Variants in PDPN observed in about 807,000 individuals in gnomAD.
PDPN encodes the protein podoplanin, also known as PA2.26 antigen.
Under a neutral mutation model 23.2 loss-of-function variants are expected in PDPN, and 12 were observed. That is an observed-to-expected ratio of 0.52 (90% confidence interval 0.33 to 0.84). The LOEUF is 0.84. Ranked by LOEUF, PDPN falls within the 40% of genes least tolerant of loss-of-function variation. The probability of loss-of-function intolerance (pLI) is 0.02; values close to 1 mark genes in which losing one functional copy is unlikely to be tolerated. For missense variants in PDPN, 199 were observed against 212.2 expected, an observed-to-expected ratio of 0.94 and a Z score of 0.39; for synonymous variants, 77 against 76.7, an observed-to-expected ratio of 1.00 and a Z score of -0.02.
chr1:13,583,858 C>A lies in PDPN; in HGVS notation c.-176C>A, dbSNP rs187344388. On this transcript the variant is annotated 5_prime_UTR_variant, in exon 1 of 6. Coordinates refer to ENST00000621990, the MANE Select transcript of PDPN (RefSeq NM_006474.5). ...ACTGCAAAGTTTGCTGTCCGGCTGC[C>A]TAGGGTCTGGGAAGCTCGGGCACCC... 4.3e-5 allele frequency: 68 copies of A among 1,596,128 alleles called. No homozygotes were observed. The African/African-American group carries it at 6.3e-4, about 15-fold the overall frequency.
intron 1 of PDPN, chr1:13,585,331 C>A (rs1640146313): frequency 1.9e-5 from 7 of 372,330 alleles, no homozygotes; most frequent in South Asian, 1.6e-4. Flanking sequence ...CTGCTCTATG[C>A]TGTGCTGTCT....
intron 2 of PDPN, among the ~76,000 whole-genome samples, chr1:13,609,036 T>G (rs1199631308): frequency 6.6e-6 from 1 of 152,218 alleles, no homozygotes; most frequent in Non-Finnish European, 1.5e-5. Flanking sequence ...GCCCGCCCAC[T>G]GTGTTTGTAA....
chr1:13,584,416 C>A, intron 1 of PDPN: 1 of 1,051,890 alleles, frequency 9.5e-7, no homozygotes, highest in Non-Finnish European at 1.3e-6. Context: ...AGTAGGCAGC[C>A]CCGCTTGCTG....
chr1:13,613,976 G>A (rs1641001146), intron 4 of PDPN, among the ~76,000 whole-genome samples: 1 of 150,748 alleles, frequency 6.6e-6, no homozygotes. Flanking sequence ...ATGGGGAATG[G>A]TGTCATATCA....
At position 13,584,087 on chromosome 1, in the gene PDPN, C is replaced by G; in HGVS notation, c.54C>G (p.Val18=). 1 of 1,613,030 alleles carries G rather than the reference C, an allele frequency of 6.2e-7. No individual in the cohort carries two copies. Among genetic ancestry groups the G allele is most frequent in the African/African-American group, 1.3e-5 (1 of 75,046 alleles). ...LFVLGSASLW[V]LAEGASTGQP... ...TTTTGGGAAGCGCGTCGCTCTGGGT[C>G]CTGGCAGAAGGAGGTAAGACCCAGC... The change falls in exon 1 of 6, where the codon GTC becomes GTG. Residue 18 remains valine (V), a synonymous_variant. Transcript: ENST00000621990.
At chr1:13,610,711 CCT>C (rs554436775) in intron 3 of PDPN, among the ~76,000 whole-genome samples, 195 bp downstream of exon 3, 186 of 152,298 alleles carry the variant, frequency 1.2e-3, no homozygotes, top group African/African-American at 4.3e-3. Context: ...GCTGAACGTA[CCT>C]CTCTACCTAG....
chr1:13,586,254 T>C (rs1640175976), intron 1 of PDPN, among the ~76,000 whole-genome samples: 1 of 152,194 alleles, frequency 6.6e-6, no homozygotes, highest in South Asian at 2.1e-4. Flanking sequence ...CCGAAACGCT[T>C]GCCAGTTTGG....
rs1017746426 is a variant in PDPN at position 13,613,851 on chromosome 1, T to A, written c.370+126T>A. ...TCAATGAGAGCAGAATAGAAAACAT[T>A]CCGAGAACAGATTTCAAGCTTTTTT... On this transcript the variant is annotated intron_variant, in intron 4 of 5. Transcript: ENST00000621990. 1.5e-4 allele frequency: 76 copies of A among 506,638 alleles called. 1 individual carries two copies. Among genetic ancestry groups the A allele is most frequent in the Non-Finnish European group, 2.3e-4 (63 of 276,466 alleles). 31.4% of individuals were successfully genotyped at this position (506,638 alleles called of 1,614,324 possible). A position where few individuals can be genotyped will look rare whatever the true frequency, so the allele number is the denominator to read the frequency against.
intron 4 of PDPN, 86 bp downstream of exon 4, chr1:13,613,811 T>A: frequency 1.3e-6 from 1 of 743,090 alleles, no homozygotes; most frequent in Non-Finnish European, 2.4e-6. Context: ...AATTGCGTTC[T>A]TTTCTGGATT....
intron 3 of PDPN, among the ~76,000 whole-genome samples, chr1:13,610,831 A>G (rs1441257952): frequency 6.6e-6 from 1 of 152,190 alleles, no homozygotes; most frequent in Non-Finnish European, 1.5e-5. Context: ...GTTGACACCC[A>G]AGGGCACGAC....
Position 13,610,367 on chromosome 1 carries a change from C to G in PDPN, c.202-20C>G, listed in dbSNP as rs780192356. 2.5e-6 allele frequency: 4 copies of G among 1,601,512 alleles called. No homozygotes were observed. In the South Asian group the frequency reaches 3.4e-5, roughly 13 times the overall value. On this transcript the variant is annotated intron_variant, in intron 2 of 5. Coordinates refer to ENST00000621990, the MANE Select transcript of PDPN (RefSeq NM_006474.5). ...CAGTAGGCTTTATTTCCTGTTTTTC[C>G]TCATTTACACCTACAATAGGTGGCA...
intron 1 of PDPN, among the ~76,000 whole-genome samples, chr1:13,585,840 T>C (rs1306545712): frequency 6.6e-6 from 1 of 152,174 alleles, no homozygotes; most frequent in Non-Finnish European, 1.5e-5. Flanking sequence ...AATAACATCA[T>C]TGAGCGAAGC....
chr1:13,594,714 C>G (rs564509600), intron 1 of PDPN, among the ~76,000 whole-genome samples: 1 of 151,994 alleles, frequency 6.6e-6, no homozygotes, highest in Non-Finnish European at 1.5e-5. Flanking sequence ...CTGCTGGGTA[C>G]GGTGGCTTAC....
intron 1 of PDPN, among the ~76,000 whole-genome samples, chr1:13,606,663 G>C (rs1048895484): frequency 1.3e-4 from 19 of 151,904 alleles, no homozygotes; most frequent in African/African-American, 1.7e-4. Context: ...GGGAGAGCCT[G>C]TCTCTTAAGA....
chr1:13,610,603 A>G, intron 3 of PDPN, 87 bp downstream of exon 3: 2 of 1,304,252 alleles, frequency 1.5e-6, no homozygotes, highest in Non-Finnish European at 2.2e-6. Flanking sequence ...AGAATAATCA[A>G]TAGGGGGCAT....
Position 13,583,851 on chromosome 1 carries a change from C to T in PDPN, c.-183C>T, listed in dbSNP as rs113350533. 9,221 of 1,584,560 alleles carry T rather than the reference C, an allele frequency of 5.8e-3. 45 individuals are homozygous for T. Among genetic ancestry groups the T allele is most frequent in the South Asian group, 8.2e-3 (716 of 87,354 alleles). On this transcript the variant is annotated 5_prime_UTR_variant, in exon 1 of 6. Coordinates refer to ENST00000621990, the MANE Select transcript of PDPN (RefSeq NM_006474.5). ...GTTCTCAACTGCAAAGTTTGCTGTC[C>T]GGCTGCCTAGGGTCTGGGAAGCTCG...
At chr1:13,605,289 A>G (rs1362817475) in intron 1 of PDPN, among the ~76,000 whole-genome samples, 2 of 150,980 alleles carry the variant, frequency 1.3e-5, no homozygotes, top group Non-Finnish European at 2.9e-5. Flanking sequence ...CCTAGAGACA[A>G]ACAAACATCT....
chr1:13,583,781 T>C, upstream of PDPN: 1 of 1,513,538 alleles, frequency 6.6e-7, no homozygotes, highest in South Asian at 1.3e-5. Flanking sequence ...CCGACCCCGC[T>C]CCCCCGCCTC....
intron 1 of PDPN, among the ~76,000 whole-genome samples, chr1:13,596,432 C>T (rs1268357050): frequency 6.6e-6 from 1 of 152,122 alleles, no homozygotes; most frequent in Non-Finnish European, 1.5e-5. Context: ...CTAGATTTTC[C>T]AGGGCCAAAC....
Sources: allele counts gnomAD v4.1 joint callset (sites outside exome capture counted in the v4.1 genomes callset), GRCh38; gene constraint gnomAD v4.1.1; transcripts MANE v1.5; gene names NCBI Gene and HGNC (gene_info 2026-07-23, HGNC 2026-07-21).